FAM168A: variants seen among roughly 807,000 people sequenced by gnomAD.
FAM168A encodes the protein protein FAM168A.
A neutral mutation model predicts 28.5 loss-of-function variants in FAM168A; 3 were observed. The observed-to-expected ratio is 0.11, with a 90% CI of 0.05 to 0.27. The LOEUF is 0.27. Among genes scored for constraint, FAM168A ranks in the 10% least tolerant of loss-of-function variants. The probability of loss-of-function intolerance (pLI) is 1.00; values close to 1 mark genes in which losing one functional copy is unlikely to be tolerated. For synonymous variants in FAM168A, 122 were observed against 124.2 expected (o/e 0.98, Z 0.12); for missense variants, 222 against 311.5 (o/e 0.71, Z 2.16).
At chr11:73,513,414 C>T (rs978483172) in intron 1 of FAM168A, among the ~76,000 whole-genome samples, 5 of 150,622 alleles carry the variant, frequency 3.3e-5, no homozygotes, top group African/African-American at 9.8e-5. Flanking sequence ...GATGGGATGT[C>T]ACCATGTTAG....
intron 1 of FAM168A, among the ~76,000 whole-genome samples, chr11:73,531,672 T>C (rs1050292430): frequency 4.6e-5 from 7 of 152,032 alleles, no homozygotes; most frequent in Non-Finnish European, 7.3e-5. Context: ...TTCTCACTGC[T>C]TCTCTTAAAA....
At chr11:73,477,187 G>T (rs758093448) in intron 1 of FAM168A, among the ~76,000 whole-genome samples, 2 of 152,002 alleles carry the variant, frequency 1.3e-5, no homozygotes, top group Non-Finnish European at 2.9e-5. Context: ...ACACAATGAT[G>T]AGAACAATAG....
intron 1 of FAM168A, among the ~76,000 whole-genome samples, chr11:73,561,166 G>A (rs867402870): frequency 9.2e-5 from 14 of 152,128 alleles, no homozygotes; most frequent in South Asian, 8.3e-4. Flanking sequence ...CCTGAGGTCG[G>A]GAGTTCGAGA....
At chr11:73,417,488 A>T (rs912140031) in intron 4 of FAM168A, among the ~76,000 whole-genome samples, 1 of 151,916 alleles carries the variant, frequency 6.6e-6, no homozygotes, top group African/African-American at 2.4e-5. Flanking sequence ...TATATATATA[A>T]TCTTACGTAT....
intron 1 of FAM168A, among the ~76,000 whole-genome samples, chr11:73,512,362 A>G (rs1855242232): frequency 1.3e-5 from 2 of 152,160 alleles, no homozygotes; most frequent in Admixed American, 1.3e-4. Context: ...AGGCAAATCC[A>G]TAGAGAAAGA....
At chr11:73,553,601 C>T (rs977607478) in intron 1 of FAM168A, among the ~76,000 whole-genome samples, 4 of 152,082 alleles carry the variant, frequency 2.6e-5, no homozygotes, top group African/African-American at 4.8e-5. Context: ...GTCTTTCTAG[C>T]GGGTAGTCAC....
chr11:73,555,268 C>CTA (rs1408239871), intron 1 of FAM168A, among the ~76,000 whole-genome samples: 1 of 152,060 alleles, frequency 6.6e-6, no homozygotes, highest in Non-Finnish European at 1.5e-5. Flanking sequence ...AGCCAAGCAG[C>CTA]TATACATGAG....
intron 1 of FAM168A, among the ~76,000 whole-genome samples, chr11:73,544,712 ATTATATATT>A (rs1943704273): frequency 8.2e-6 from 1 of 121,706 alleles, no homozygotes; most frequent in Non-Finnish European, 1.6e-5. Flanking sequence ...ATTATATATA[ATTATATATT>A]TTATATGTAA....
intron 1 of FAM168A, among the ~76,000 whole-genome samples, chr11:73,480,467 G>A (rs1378644159): frequency 6.6e-6 from 1 of 151,348 alleles, no homozygotes; most frequent in African/African-American, 2.4e-5. Flanking sequence ...AACCACACAA[G>A]TACTCGGACC....
intron 1 of FAM168A, among the ~76,000 whole-genome samples, chr11:73,482,458 G>T (rs1381397054): frequency 1.3e-5 from 2 of 151,888 alleles, no homozygotes; most frequent in Non-Finnish European, 2.9e-5. Context: ...CCTTTTGCTG[G>T]TCATAAGTCT....
At chr11:73,541,477 A>G (rs1252966709) in intron 1 of FAM168A, among the ~76,000 whole-genome samples, 1 of 150,276 alleles carries the variant, frequency 6.7e-6, no homozygotes, top group Non-Finnish European at 1.5e-5. Flanking sequence ...GGTTCACACC[A>G]TTCTCCTGCC....
intron 5 of FAM168A, 142 bp from the exon 6 acceptor site, chr11:73,409,803 G>T: frequency 1.3e-6 from 1 of 759,856 alleles, no homozygotes; most frequent in Non-Finnish European, 2.1e-6. Flanking sequence ...TCAGTGCAGT[G>T]CTGGGCTCAG....
intron 1 of FAM168A, among the ~76,000 whole-genome samples, chr11:73,479,196 T>C (rs981224593): frequency 3.9e-5 from 6 of 152,184 alleles, no homozygotes; most frequent in Non-Finnish European, 7.4e-5. Context: ...ATGGAGGTCT[T>C]AAACTGAGAA....
chr11:73,476,781 T>C (rs1485972502), intron 1 of FAM168A, among the ~76,000 whole-genome samples: 1 of 152,012 alleles, frequency 6.6e-6, no homozygotes, highest in Admixed American at 6.6e-5. Flanking sequence ...AAGAGTCAAA[T>C]GGAAATCGTA....
intron 1 of FAM168A, among the ~76,000 whole-genome samples, chr11:73,519,597 CAG>C (rs1338979155): frequency 6.6e-6 from 1 of 152,048 alleles, no homozygotes; most frequent in African/African-American, 2.4e-5. Flanking sequence ...CAAGCCATAA[CAG>C]AGGAGTAGTT....
chr11:73,460,290 G>A (rs983572439), intron 2 of FAM168A, among the ~76,000 whole-genome samples: 2 of 152,100 alleles, frequency 1.3e-5, no homozygotes, highest in African/African-American at 4.8e-5. Flanking sequence ...AGCAAGGATA[G>A]ACAAATCACA....
chr11:73,448,386 C>T (rs1867363152), intron 2 of FAM168A, among the ~76,000 whole-genome samples: 1 of 152,164 alleles, frequency 6.6e-6, no homozygotes, highest in Non-Finnish European at 1.5e-5. Flanking sequence ...CACATTAATC[C>T]CATCTAATCC....
intron 2 of FAM168A, among the ~76,000 whole-genome samples, chr11:73,443,011 T>C (rs1185504571): frequency 4.6e-5 from 6 of 129,300 alleles, no homozygotes; most frequent in Non-Finnish European, 9.7e-5. Flanking sequence ...AAGCCTTTTT[T>C]CCACCCTTAA....
chr11:73,569,699 G>A (rs1944063629), intron 1 of FAM168A, among the ~76,000 whole-genome samples: 1 of 152,048 alleles, frequency 6.6e-6, no homozygotes, highest in Non-Finnish European at 1.5e-5. Flanking sequence ...ATGCGCACCT[G>A]TGGTCTCAGC....
Sources: allele counts gnomAD v4.1 joint callset (sites outside exome capture counted in the v4.1 genomes callset), GRCh38; gene constraint gnomAD v4.1.1; transcripts MANE v1.5; gene names NCBI Gene and HGNC (gene_info 2026-07-23, HGNC 2026-07-21).